The following CHD9 variants were observed in gnomAD, a reference collection of about 807,000 sequenced individuals.
CHD9 encodes ATP-dependent chromatin remodeler CHD9.
A neutral mutation model predicts 316.1 loss-of-function variants in CHD9; 77 were observed. The observed-to-expected ratio is 0.24, with a 90% CI of 0.20 to 0.29. The LOEUF is 0.29. Among genes scored for constraint, CHD9 ranks in the 10% least tolerant of loss-of-function variants. CHD9 has a pLI of 1.00. For synonymous variants in CHD9, 1,129 were observed against 1,158.3 expected (o/e 0.97, Z 0.51); for missense variants, 2,763 against 3,438.1 (o/e 0.80, Z 4.91).
At chr16:53,104,555 A>G (rs1246681799) in intron 1 of CHD9, among the ~76,000 whole-genome samples, 1 of 152,214 alleles carries the variant, frequency 6.6e-6, no homozygotes, top group Non-Finnish European at 1.5e-5. Context: ...TCGTGCCTGT[A>G]ATTCCAGCAC....
chr16:53,255,577 T>A, intron 18 of CHD9, 23 bp from the exon 19 acceptor site: 1 of 1,596,404 alleles, frequency 6.3e-7, no homozygotes. Flanking sequence ...AAACTATTTT[T>A]ATGGAAGTTA....
intron 1 of CHD9, among the ~76,000 whole-genome samples, chr16:53,143,466 C>T (rs1264140220): frequency 6.6e-6 from 1 of 151,576 alleles, no homozygotes; most frequent in African/African-American, 2.4e-5. Flanking sequence ...CCACTTACTG[C>T]AAGCTCCGCC....
At chr16:53,190,419 A>G (rs2044386056) in intron 2 of CHD9, among the ~76,000 whole-genome samples, 1 of 152,098 alleles carries the variant, frequency 6.6e-6, no homozygotes, top group Non-Finnish European at 1.5e-5. Context: ...AAGCTTTATC[A>G]TGACGCGCCA....
chr16:53,148,281 T>A (rs1239455567), intron 1 of CHD9, among the ~76,000 whole-genome samples: 7 of 152,200 alleles, frequency 4.6e-5, no homozygotes, highest in Non-Finnish European at 1.0e-4. Flanking sequence ...TCTCACTCTG[T>A]CACCTAGGCA....
Position 53,155,943 on chromosome 16 carries a change from A to G in CHD9, c.-147A>G. On this transcript the variant is annotated 5_prime_UTR_variant, in exon 2 of 39. Transcript: ENST00000447540. The stretch of plus-strand genomic sequence containing the variant: ...TTTTCTAGGATTTTGACACTTCATG[A>G]CATGTCATTATTTAGAGCAATAATG... The G allele has an allele frequency of 1.4e-6, 1 of 715,052 alleles. No homozygotes were observed. Among genetic ancestry groups the G allele is most frequent in the Non-Finnish European group, 2.3e-6 (1 of 442,122 alleles). The allele number at this position is 715,052 out of a possible 1,614,324, so 44.3% of individuals were successfully genotyped here.
chr16:53,170,619 G>A (rs1277732224), intron 2 of CHD9, among the ~76,000 whole-genome samples: 1 of 139,254 alleles, frequency 7.2e-6, no homozygotes, highest in Non-Finnish European at 1.6e-5. Flanking sequence ...GTGTGTGTGT[G>A]TTGGAAGCTT....
intron 10 of CHD9, among the ~76,000 whole-genome samples, chr16:53,233,321 A>C (rs2048338744): frequency 2.0e-5 from 3 of 152,190 alleles, no homozygotes; most frequent in African/African-American, 7.2e-5. Context: ...GATATTTTAA[A>C]GGATACAAAC....
intron 24 of CHD9, among the ~76,000 whole-genome samples, chr16:53,277,871 C>CA (rs1597784779): frequency 6.6e-6 from 1 of 152,052 alleles, no homozygotes. Flanking sequence ...AAGACTCCTC[C>CA]AAAAAGCTCC....
intron 3 of CHD9, among the ~76,000 whole-genome samples, chr16:53,215,127 A>AGATGGGGTTTTACCGTGTTAGCCG (rs1430066376): frequency 3.3e-5 from 5 of 152,114 alleles, no homozygotes; most frequent in African/African-American, 7.2e-5. Context: ...CGTGTTAGCC[A>AGATGGGGTTTTACCGTGTTAGCCG]CGATGGTCTC....
chr16:53,216,433 A>G (rs2046768130), intron 3 of CHD9, among the ~76,000 whole-genome samples: 2 of 152,150 alleles, frequency 1.3e-5, no homozygotes, highest in Non-Finnish European at 2.9e-5. Context: ...CTCTTTTGTC[A>G]TTATGTTAAT....
intron 2 of CHD9, among the ~76,000 whole-genome samples, chr16:53,203,490 A>G (rs888616122): frequency 6.6e-6 from 1 of 152,188 alleles, no homozygotes; most frequent in Non-Finnish European, 1.5e-5. Context: ...CTCTCTAGGC[A>G]GATAAACTCA....
rs150780787 is a variant in CHD9 at position 53,221,269 on chromosome 16, C to G, written c.1785-1375C>G. On this transcript the variant is annotated intron_variant, in intron 3 of 38. Coordinates refer to ENST00000447540, the MANE Select transcript of CHD9 (RefSeq NM_001308319.2). ...TATTTTCCAGGCAAGGAAACTAAGG[C>G]CAAAAGAGATCAAGTAATTTGCCCA... is the stretch of plus-strand genomic sequence containing the variant. Among the ~76,000 whole-genome samples, 52 of 152,248 alleles carry G rather than the reference C, an allele frequency of 3.4e-4. No homozygotes were observed. In the East Asian group the frequency reaches 8.5e-3, roughly 25 times the overall value.
At chr16:53,269,617 A>G (rs1331963040) in intron 22 of CHD9, among the ~76,000 whole-genome samples, 1 of 152,236 alleles carries the variant, frequency 6.6e-6, no homozygotes, top group African/African-American at 2.4e-5. Flanking sequence ...TTCTAGGTAG[A>G]TGGAAGAATC....
At chr16:53,254,980 T>C (rs886350479) in intron 18 of CHD9, among the ~76,000 whole-genome samples, 2 of 152,290 alleles carry the variant, frequency 1.3e-5, no homozygotes, top group South Asian at 4.1e-4. Context: ...GGCTTTTTTT[T>C]CGCTCAAGGT....
intron 1 of CHD9, among the ~76,000 whole-genome samples, chr16:53,132,955 C>T (rs547343828): frequency 3.9e-5 from 6 of 152,018 alleles, no homozygotes; most frequent in South Asian, 2.1e-4. Context: ...ATTACAGGTG[C>T]GCGCCACCAC....
Position 53,304,048 on chromosome 16 carries a change from A to C in CHD9, c.6042A>C (p.Pro2014=), listed in dbSNP as rs2055694102. The change falls in exon 31 of 39, where the codon CCA becomes CCC. Residue 2014 remains proline, a synonymous_variant. Transcript: ENST00000447540. ...SKMAHSRTST[P]LLQQYQVALS... ...TGGCTCATTCAAGGACTTCTACCCC[A>C]CTTCTACAGCAATATCAAGTAGCAC... 6.2e-7 allele frequency: 1 copy of C among 1,614,002 alleles called. No individual in the cohort carries two copies. Among genetic ancestry groups the C allele is most frequent in the Non-Finnish European group, 8.5e-7 (1 of 1,179,876 alleles).
intron 30 of CHD9, 133 bp from the exon 31 acceptor site, chr16:53,303,585 CTA>C (rs1309047553): frequency 1.8e-6 from 1 of 568,210 alleles, no homozygotes; most frequent in African/African-American, 1.9e-5. Flanking sequence ...ATTCTGGAAA[CTA>C]TACAGTGATA....
chr16:53,308,753 A>G lies in CHD9; in HGVS notation c.7121A>G (p.Asp2374Gly). The part of the protein sequence containing the change: ...LAQKRPFDGE[D>G]GALGQQQYLT... ...CAGAAAAGACCATTTGATGGTGAAG[A>G]CGGTGCTCTGGGGCAGCAGCAGTAC... The change falls in exon 34 of 39, where the codon GAC (aspartate) becomes GGC (glycine). Residue 2374 changes from aspartate to glycine, a missense_variant. Asp to Gly is a moderately conservative substitution (Grantham distance 94). Around this residue, in one of 15 missense-constraint regions of CHD9, gnomAD observed 663 missense variants for 751.2 expected, o/e 0.88. Coordinates refer to ENST00000447540, the MANE Select transcript of CHD9 (RefSeq NM_001308319.2). 1 of 1,613,534 alleles carries G rather than the reference A, an allele frequency of 6.2e-7. No individual in the cohort carries two copies. Among genetic ancestry groups the G allele is most frequent in the Non-Finnish European group, 8.5e-7 (1 of 1,179,624 alleles).
At chr16:53,072,691 T>A (rs1481029072) in intron 1 of CHD9, among the ~76,000 whole-genome samples, 1 of 150,466 alleles carries the variant, frequency 6.6e-6, no homozygotes, top group African/African-American at 2.5e-5. Context: ...CTTTTTATTT[T>A]TTTATTTTTT....
Sources: allele counts gnomAD v4.1 joint callset (sites outside exome capture counted in the v4.1 genomes callset), GRCh38; gene constraint gnomAD v4.1.1; regional missense constraint gnomAD v4.1.1; transcripts MANE v1.5; gene names NCBI Gene and HGNC (gene_info 2026-07-23, HGNC 2026-07-21).